The following PTPRD variants were observed in gnomAD, a reference collection of about 807,000 sequenced individuals.
PTPRD encodes receptor-type tyrosine-protein phosphatase delta.
In PTPRD, 34 loss-of-function variants were observed where a neutral mutation model predicts 214.5. That is an observed-to-expected ratio of 0.16 (90% CI 0.12 to 0.21). The LOEUF is 0.21. Among genes scored for constraint, PTPRD ranks in the 10% least tolerant of loss-of-function variants. PTPRD has a pLI of 1.00. For missense variants in PTPRD, 2,545 were observed against 2,398.7 expected (o/e 1.06, Z -1.27); for synonymous variants, 1,128 against 845.7 (o/e 1.33, Z -5.79).
At position 9,947,542 on chromosome 9, in the gene PTPRD, A is replaced by G. The variant is rs181192623; in HGVS notation, c.-471-8932T>C. On this transcript the variant is annotated intron_variant, in intron 4 of 45. Transcript: ENST00000381196. ...ATATATTATATATATTTTATATATA[A>G]TATATATATTATATATATATTTTAT... 2.0e-4 allele frequency among the ~76,000 whole-genome samples: 4 copies of G among 20,388 alleles called. No individual in the cohort carries two copies. The South Asian group carries it at 5.2e-3, about 26-fold the overall frequency. 13.4% of individuals were successfully genotyped at this position (20,388 alleles called of 152,430 possible).
chr9:9,075,450 T>C (rs2099749645), intron 10 of PTPRD, among the ~76,000 whole-genome samples: 1 of 152,184 alleles, frequency 6.6e-6, no homozygotes, highest in African/African-American at 2.4e-5. Context: ...CTAGGGTACA[T>C]GTGCACAACG....
intron 8 of PTPRD, among the ~76,000 whole-genome samples, chr9:9,436,144 G>A (rs532076612): frequency 1.3e-5 from 2 of 152,262 alleles, no homozygotes; most frequent in South Asian, 2.1e-4. Flanking sequence ...GATGGTAGCT[G>A]GCAAATAAAG....
At chr9:9,261,501 A>G (rs1263277666) in intron 9 of PTPRD, among the ~76,000 whole-genome samples, 1 of 151,902 alleles carries the variant, frequency 6.6e-6, no homozygotes, top group East Asian at 1.9e-4. Context: ...TTTGCCTGAG[A>G]AAAAGAACTG....
At chr9:10,190,109 G>A (rs1490821349) in intron 3 of PTPRD, among the ~76,000 whole-genome samples, 3 of 152,028 alleles carry the variant, frequency 2.0e-5, no homozygotes, top group East Asian at 1.9e-4. Context: ...GGTCACGCCC[G>A]TAATCCCAGC....
chr9:9,189,119 AT>A (rs2099933523), intron 9 of PTPRD, among the ~76,000 whole-genome samples: 1 of 152,056 alleles, frequency 6.6e-6, no homozygotes, highest in Non-Finnish European at 1.5e-5. Flanking sequence ...GGTATGAGGA[AT>A]TTTCCATAAG....
At chr9:8,887,529 G>T (rs1220549801) in intron 11 of PTPRD, among the ~76,000 whole-genome samples, 1 of 152,096 alleles carries the variant, frequency 6.6e-6, no homozygotes, top group Non-Finnish European at 1.5e-5. Context: ...TTACTTACTG[G>T]CCTGGTCTGT....
At chr9:9,589,570 T>C (rs2092493483) in intron 7 of PTPRD, among the ~76,000 whole-genome samples, 1 of 152,022 alleles carries the variant, frequency 6.6e-6, no homozygotes, top group African/African-American at 2.4e-5. Context: ...CCAGTGATAT[T>C]TCAAAATGTT....
intron 4 of PTPRD, among the ~76,000 whole-genome samples, chr9:9,991,253 A>G (rs1206761675): frequency 6.6e-6 from 1 of 151,982 alleles, no homozygotes; most frequent in Non-Finnish European, 1.5e-5. Flanking sequence ...ATTCTCATAA[A>G]CTTGGGGATT....
chr9:8,465,870 G>T (rs1162741872), intron 31 of PTPRD, among the ~76,000 whole-genome samples, 195 bp from the exon 32 acceptor site: 2 of 151,850 alleles, frequency 1.3e-5, no homozygotes, highest in Non-Finnish European at 2.9e-5. Context: ...TAAGGTAGAG[G>T]TAAGATACTG....
At chr9:10,388,048 C>G (rs1194313779) in intron 2 of PTPRD, among the ~76,000 whole-genome samples, 2 of 151,434 alleles carry the variant, frequency 1.3e-5, no homozygotes, top group African/African-American at 4.8e-5. Context: ...TTCCTTCAGA[C>G]AACACAATTC....
intron 11 of PTPRD, among the ~76,000 whole-genome samples, chr9:8,954,615 G>A (rs529482165): frequency 6.6e-6 from 1 of 151,926 alleles, no homozygotes; most frequent in Non-Finnish European, 1.5e-5. Flanking sequence ...TAGTGGGCTT[G>A]GGCTGTGGAG....
At position 9,185,372 on chromosome 9, in the gene PTPRD, C is replaced by G. The variant is rs114276913; in HGVS notation, c.-202-2009G>C. ...CCTTTCCCCTAGAGTCAAACACACT[C>G]TATTCAATGATTCCTTTTAGGCAAC... is the stretch of plus-strand genomic sequence containing the variant. On this transcript the variant is annotated intron_variant, in intron 9 of 45. Transcript: ENST00000381196. Among the ~76,000 whole-genome samples the G allele has an allele frequency of 7.4e-3, 1,127 of 152,134 alleles. 10 individuals are homozygous for G. The highest frequency in any genetic ancestry group is 0.025 in the African/African-American group (1,049 of 41,524).
intron 9 of PTPRD, among the ~76,000 whole-genome samples, chr9:9,391,418 G>C (rs544937712): frequency 6.6e-6 from 1 of 152,214 alleles, no homozygotes; most frequent in South Asian, 2.1e-4. Flanking sequence ...AATGCCACTA[G>C]GTAAGACTAT....
At chr9:10,473,516 G>C (rs928747940) in intron 2 of PTPRD, among the ~76,000 whole-genome samples, 2 of 152,120 alleles carry the variant, frequency 1.3e-5, no homozygotes, top group Non-Finnish European at 2.9e-5. Flanking sequence ...GCACATGCGT[G>C]AGTGTGAGTG....
rs574659089 is a variant in PTPRD at position 9,938,586 on chromosome 9, G to A, written c.-447C>T. 1 of 152,144 alleles carries A rather than the reference G, an allele frequency of 6.6e-6. No individual in the cohort carries two copies. Among genetic ancestry groups the A allele is most frequent in the South Asian group, 2.1e-4 (1 of 4,822 alleles). 9.4% of individuals were successfully genotyped at this position (152,144 alleles called of 1,614,324 possible). The stretch of plus-strand genomic sequence containing the variant: ...CTCTAACTGGAATATCACGGGCCAG[G>A]AACTGCTTGCCTTTTATTTTCCACC... On this transcript the variant is annotated 5_prime_UTR_variant, in exon 5 of 46. Transcript: ENST00000381196.
chr9:8,765,387 T>C (rs2094653607), intron 11 of PTPRD, among the ~76,000 whole-genome samples: 1 of 152,204 alleles, frequency 6.6e-6, no homozygotes, highest in Non-Finnish European at 1.5e-5. Flanking sequence ...TCTCCCGCCA[T>C]CTTCATTCTC....
At chr9:9,052,769 G>A (rs185430378) in intron 10 of PTPRD, among the ~76,000 whole-genome samples, 1 of 152,290 alleles carries the variant, frequency 6.6e-6, no homozygotes, top group Non-Finnish European at 1.5e-5. Context: ...TAACTTTACA[G>A]TTTGTAAGCT....
At chr9:8,649,101 T>G (rs1030086497) in intron 12 of PTPRD, among the ~76,000 whole-genome samples, 18 of 152,198 alleles carry the variant, frequency 1.2e-4, no homozygotes, top group Non-Finnish European at 1.5e-4. Context: ...ATGCCATCTT[T>G]CCCAATTTTA....
At chr9:8,986,767 G>A (rs1487576431) in intron 11 of PTPRD, among the ~76,000 whole-genome samples, 1 of 152,010 alleles carries the variant, frequency 6.6e-6, no homozygotes, top group South Asian at 2.1e-4. Flanking sequence ...CATTTTAAAT[G>A]TTTTTGCATG....
Sources: allele counts gnomAD v4.1 joint callset (sites outside exome capture counted in the v4.1 genomes callset), GRCh38; gene constraint gnomAD v4.1.1; transcripts MANE v1.5; gene names NCBI Gene and HGNC (gene_info 2026-07-23, HGNC 2026-07-21).